The following DYNC1I1 variants were observed in gnomAD, a reference collection of about 807,000 sequenced individuals.
DYNC1I1 encodes the protein cytoplasmic dynein 1 intermediate chain 1.
Under a neutral mutation model 86.6 loss-of-function variants are expected in DYNC1I1, and 43 were observed. The observed-to-expected ratio is 0.50, with a 90% confidence interval of 0.39 to 0.64. The LOEUF (loss-of-function observed/expected upper bound fraction) is 0.64, where lower values mean the gene tolerates loss of function less well. Ranked by LOEUF, DYNC1I1 falls within the 30% of genes least tolerant of loss-of-function variation. The pLI, the probability that DYNC1I1 is intolerant of heterozygous loss-of-function variation, is 0.00. For synonymous variants in DYNC1I1, 262 were observed against 283.7 expected, an observed-to-expected ratio of 0.92 and a Z score of 0.77; for missense variants, 604 against 788.8, an observed-to-expected ratio of 0.77 and a Z score of 2.81.
chr7:95,860,047 A>G (rs987593820), intron 5 of DYNC1I1, among the ~76,000 whole-genome samples: 1 of 152,064 alleles, frequency 6.6e-6, no homozygotes, highest in African/African-American at 2.4e-5. Flanking sequence ...TGATTGCTCC[A>G]TTGTTTTCCT....
chr7:95,966,233 ATC>A (rs1429581734), intron 6 of DYNC1I1, among the ~76,000 whole-genome samples: 1 of 152,318 alleles, frequency 6.6e-6, no homozygotes, highest in East Asian at 1.9e-4. Context: ...CTTTATTCAC[ATC>A]TGTCATTGCA....
At chr7:96,070,498 T>G (rs930697461) in intron 14 of DYNC1I1, among the ~76,000 whole-genome samples, 1 of 152,230 alleles carries the variant, frequency 6.6e-6, no homozygotes, top group Non-Finnish European at 1.5e-5. Flanking sequence ...GTTTATTATT[T>G]TGGTCATCAT....
At chr7:96,089,184 T>TA (rs11456119) in intron 16 of DYNC1I1, among the ~76,000 whole-genome samples, 62,511 of 149,058 alleles carry the variant, frequency 0.42, 13,645 homozygotes, top group African/African-American at 0.55. Context: ...CCTTGTGACT[T>TA]AAAAAAAAAA....
At chr7:95,784,578 G>A (rs1428296594) in intron 1 of DYNC1I1, among the ~76,000 whole-genome samples, 1 of 152,174 alleles carries the variant, frequency 6.6e-6, no homozygotes, top group African/African-American at 2.4e-5. Flanking sequence ...GTGAAGGGGT[G>A]GGCATGAAGA....
chr7:95,975,914 A>C (rs1476254746), intron 6 of DYNC1I1, among the ~76,000 whole-genome samples: 3 of 152,220 alleles, frequency 2.0e-5, no homozygotes, highest in African/African-American at 7.2e-5. Flanking sequence ...GGTCAGGAAG[A>C]TACGTCATGT....
At chr7:96,085,598 ACT>A (rs1044310720) in intron 16 of DYNC1I1, among the ~76,000 whole-genome samples, 3 of 152,168 alleles carry the variant, frequency 2.0e-5, no homozygotes, top group Non-Finnish European at 4.4e-5. Flanking sequence ...CAGGTGCTGA[ACT>A]CCCATTAGCA....
At chr7:95,920,073 T>C (rs1791570655) in intron 6 of DYNC1I1, among the ~76,000 whole-genome samples, 3 of 152,156 alleles carry the variant, frequency 2.0e-5, no homozygotes, top group Admixed American at 2.0e-4. Flanking sequence ...GCAACTCCTT[T>C]CCAAGGAGCA....
chr7:96,050,014 T>TC (rs1789350961), intron 14 of DYNC1I1, among the ~76,000 whole-genome samples: 1 of 143,514 alleles, frequency 7.0e-6, no homozygotes, highest in South Asian at 2.2e-4. Context: ...AGAGAGAGAC[T>TC]CCATCTCAAA....
rs57989893 is a variant in DYNC1I1 at position 95,936,956 on chromosome 7, T to TCACACACACACACACACA, written c.491-40539_491-40522dup. Among the ~76,000 whole-genome samples, 239 of 134,252 alleles carry TCACACACACACACACACA rather than the reference T, an allele frequency of 1.8e-3. 1 individual carries two copies. Among genetic ancestry groups the TCACACACACACACACACA allele is most frequent in the South Asian group, 8.7e-3 (34 of 3,900 alleles). The allele number at this position is 134,252 out of a possible 152,430, so 88.1% of individuals were successfully genotyped here. ...CAAAGGAATGGATAAAGAATATGTC[T>TCACACACACACACACACA]CACACACACACACACACACACACAC... On this transcript the variant is annotated intron_variant, in intron 6 of 16. Coordinates refer to ENST00000447467, the MANE Select transcript of DYNC1I1 (RefSeq NM_001135556.2).
chr7:96,109,579 TG>T (rs1396201867), intron 16 of DYNC1I1, among the ~76,000 whole-genome samples: 3 of 152,152 alleles, frequency 2.0e-5, no homozygotes, highest in Admixed American at 1.3e-4. Context: ...TTTTATATGT[TG>T]TGTTTTCATT....
Position 96,032,706 on chromosome 7 carries a change from G to T in DYNC1I1, c.1156G>T (p.Ala386Ser). 1 of 1,613,704 alleles carries T rather than the reference G, an allele frequency of 6.2e-7. No individual in the cohort carries two copies. Among genetic ancestry groups the T allele is most frequent in the Non-Finnish European group, 8.5e-7 (1 of 1,179,734 alleles). The change falls in exon 12 of 17, where the codon GCT becomes TCT. Residue 386 changes from alanine (A) to serine (S), a missense_variant. By Grantham distance (99) the Ala-to-Ser change is moderately conservative. Transcript: ENST00000447467. Reference sequence around the variant, plus strand: ...TGTAAATGTTGTTGGGACCCAGAATGCTCATAACCTCATCACTGTCTCCAC... The same window carrying T: ...TGTAAATGTTGTTGGGACCCAGAATTCTCATAACCTCATCACTGTCTCCAC... ...YCVNVVGTQN[A>S]HNLITVSTDG... is the part of the protein sequence containing the mutation.
chr7:96,085,452 G>C (rs749830832), intron 16 of DYNC1I1, among the ~76,000 whole-genome samples: 27 of 151,924 alleles, frequency 1.8e-4, no homozygotes, highest in Middle Eastern at 3.4e-3. Flanking sequence ...ATATAAAACA[G>C]CAATGTTTTC....
intron 10 of DYNC1I1, among the ~76,000 whole-genome samples, chr7:96,009,295 C>T (rs1235958552): frequency 6.6e-6 from 1 of 152,176 alleles, no homozygotes; most frequent in East Asian, 1.9e-4. Context: ...GCAATGACTC[C>T]AGCACTCAAG....
At position 95,892,197 on chromosome 7, in the gene DYNC1I1, CAT is replaced by C. The variant is rs1562935538; in HGVS notation, c.490+22200_490+22201del. 2.6e-5 allele frequency among the ~76,000 whole-genome samples: 4 copies of C among 151,720 alleles called. No individual in the cohort carries two copies. In the East Asian group the frequency reaches 7.8e-4, roughly 30 times the overall value. On this transcript the variant is annotated intron_variant, in intron 6 of 16. Transcript: ENST00000447467. ...TGTCATCCAGGCTGGAGTGCAGTGG[CAT>C]GATCTCAGCCCACTGCAACCTCCAC... is the stretch of plus-strand genomic sequence containing the variant.
At chr7:96,025,845 G>GT (rs891821655) in intron 10 of DYNC1I1, among the ~76,000 whole-genome samples, 222 of 151,820 alleles carry the variant, frequency 1.5e-3, no homozygotes, top group Non-Finnish European at 2.8e-3. Context: ...GCTTGCGGGG[G>GT]GGGGATATTT....
At chr7:95,908,529 T>A (rs1302272171) in intron 6 of DYNC1I1, among the ~76,000 whole-genome samples, 1 of 152,146 alleles carries the variant, frequency 6.6e-6, no homozygotes, top group Non-Finnish European at 1.5e-5. Context: ...AATGGCTAAA[T>A]ATTACTGGTT....
intron 6 of DYNC1I1, among the ~76,000 whole-genome samples, chr7:95,966,603 C>A (rs925318757): frequency 1.3e-5 from 2 of 152,202 alleles, no homozygotes; most frequent in Non-Finnish European, 2.9e-5. Context: ...TCTACTGCTG[C>A]GTGTAGCTCA....
chr7:95,841,127 G>A (rs1789268214), intron 5 of DYNC1I1, among the ~76,000 whole-genome samples: 1 of 152,166 alleles, frequency 6.6e-6, no homozygotes, highest in African/African-American at 2.4e-5. Flanking sequence ...TCAGTTCTTG[G>A]AACAGACAAG....
chr7:96,094,267 T>A (rs1476868098), intron 16 of DYNC1I1, among the ~76,000 whole-genome samples: 1 of 152,220 alleles, frequency 6.6e-6, no homozygotes, highest in East Asian at 1.9e-4. Flanking sequence ...TACATTTATA[T>A]GCAAGGTAGG....
Sources: allele counts gnomAD v4.1 joint callset (sites outside exome capture counted in the v4.1 genomes callset), GRCh38; gene constraint gnomAD v4.1.1; transcripts MANE v1.5; gene names NCBI Gene and HGNC (gene_info 2026-07-23, HGNC 2026-07-21).